Variants in ZNF365 observed in about 807,000 individuals in gnomAD.
ZNF365 encodes protein ZNF365.
A neutral mutation model predicts 35.0 loss-of-function variants in ZNF365; 22 were observed. That is an observed-to-expected ratio of 0.63 (90% CI 0.45 to 0.90). The LOEUF (loss-of-function observed/expected upper bound fraction) is 0.90, where lower values mean the gene tolerates loss of function less well. Among genes scored for constraint, ZNF365 ranks in the 40% least tolerant of loss-of-function variants. The probability of loss-of-function intolerance (pLI) is 0.00; values close to 1 mark genes in which losing one functional copy is unlikely to be tolerated. For synonymous variants in ZNF365, 188 were observed against 196.2 expected (o/e 0.96, Z 0.35); for missense variants, 448 against 500.3 (o/e 0.90, Z 1.00).
rs143879492 is a variant in ZNF365, at chr10:62,400,243, G to A, written c.*454G>A. ...TAATAGCAGTAAAATGAAAATATTT[G>A]TGTTTGTGTATAACCTTCCCCTCAG... On this transcript the variant is annotated 3_prime_UTR_variant, in exon 5 of 5. Coordinates refer to ENST00000395254, the MANE Select transcript of ZNF365 (RefSeq NM_014951.3). 1 of 990,214 alleles carries A rather than the reference G, an allele frequency of 1.0e-6. No individual in the cohort carries two copies. The highest frequency in any genetic ancestry group is 1.2e-6 in the Non-Finnish European group (1 of 832,464). The allele number at this position is 990,214 out of a possible 1,614,324, so 61.3% of individuals were successfully genotyped here.
downstream of ZNF365, among the ~76,000 whole-genome samples, chr10:62,405,591 G>C (rs370845609): frequency 1.7e-4 from 26 of 152,258 alleles, no homozygotes; most frequent in South Asian, 5.2e-3. Flanking sequence ...TTTATGATTG[G>C]TTATTGCACC....
intron 2 of ZNF365, among the ~76,000 whole-genome samples, chr10:62,387,797 T>C (rs1039491734): frequency 1.3e-5 from 2 of 152,248 alleles, no homozygotes; most frequent in Non-Finnish European, 2.9e-5. Context: ...CTTGCTCCTA[T>C]ACTTTCTCTC....
chr10:62,429,218 C>A (rs1363689007), intron 3 of ZNF365, among the ~76,000 whole-genome samples: 1 of 152,206 alleles, frequency 6.6e-6, no homozygotes, highest in African/African-American at 2.4e-5. Flanking sequence ...GCATCTTATG[C>A]ATGTCTAATA....
In ZNF365 at chr10:62,376,438, C is replaced by T. The variant is rs756669590; in HGVS notation, c.245C>T (p.Pro82Leu). The change falls in exon 2 of 5, where the codon CCG (proline) becomes CTG (leucine). Residue 82 changes from proline (P) to leucine (L), a missense_variant. This residue lies in a region of ZNF365 where 76 missense variants were observed against 96.7 expected (regional missense o/e 0.79). Coordinates refer to ENST00000395254, the MANE Select transcript of ZNF365 (RefSeq NM_014951.3). ...DLVTSSELLK[P>L]GKLQSSGNVV... The stretch of plus-strand genomic sequence containing the variant: ...GTCACTTCCTCAGAACTCCTGAAAC[C>T]GGGAAAATTGCAGAGCAGTGGCAAC... 6.8e-5 allele frequency: 110 copies of T among 1,613,988 alleles called. No individual in the cohort carries two copies. Among genetic ancestry groups the T allele is most frequent in the East Asian group, 8.9e-5 (4 of 44,894 alleles).
downstream of ZNF365, among the ~76,000 whole-genome samples, chr10:62,405,414 C>A (rs1368898654): frequency 1.3e-5 from 2 of 152,136 alleles, no homozygotes; most frequent in African/African-American, 2.4e-5. Context: ...GGCCCAGGAA[C>A]GCCTCTGTGA....
chr10:62,475,442 A>AAAT, intron 4 of ZNF365, among the ~76,000 whole-genome samples: 1 of 152,178 alleles, frequency 6.6e-6, no homozygotes, highest in East Asian at 1.9e-4. Flanking sequence ...AAATAAAATA[A>AAAT]AATTAAATTA....
intron 2 of ZNF365, among the ~76,000 whole-genome samples, chr10:62,386,527 C>T (rs1393967635): frequency 6.6e-6 from 1 of 152,138 alleles, no homozygotes; most frequent in African/African-American, 2.4e-5. Context: ...TTATTAGAGC[C>T]AGCCTGTTGT....
rs1490699481 is a variant in ZNF365, at chr10:62,399,659, A to G, written c.1094A>G (p.Glu365Gly). The G allele has an allele frequency of 1.2e-6, 2 of 1,614,050 alleles. No homozygotes were observed. Among genetic ancestry groups the G allele is most frequent in the East Asian group, 2.2e-5 (1 of 44,888 alleles). The change falls in exon 5 of 5, where the codon GAA becomes GGA. Residue 365 changes from glutamate (E) to glycine (G), a missense_variant. Physicochemically the swap from Glu to Gly is moderately conservative, Grantham distance 98. Transcript: ENST00000395254. ...ATGCAGCCTGCCAAGGCCATTCACG[A>G]ACAGGCTGAGTCCTCAAGAGACCTC... ...ASMQPAKAIH[E>G]QAESSRDLCR... is the part of the protein sequence containing the mutation.
intron 3 of ZNF365, among the ~76,000 whole-genome samples, chr10:62,408,164 A>G (rs1287661945): frequency 1.3e-5 from 2 of 152,134 alleles, no homozygotes; most frequent in Non-Finnish European, 2.9e-5. Context: ...AATAGATAGA[A>G]TGATGTCTTG....
chr10:62,389,063 CA>C (rs1839577859), intron 3 of ZNF365, among the ~76,000 whole-genome samples: 1 of 152,100 alleles, frequency 6.6e-6, no homozygotes, highest in African/African-American at 2.4e-5. Flanking sequence ...TATAGATTTT[CA>C]AAAAGACTGA....
At chr10:62,448,425 C>T (rs1455325308) in intron 3 of ZNF365, among the ~76,000 whole-genome samples, 4 of 152,148 alleles carry the variant, frequency 2.6e-5, no homozygotes, top group Non-Finnish European at 4.4e-5. Context: ...AGCTGACATA[C>T]CAATGTGGAG....
intron 3 of ZNF365, among the ~76,000 whole-genome samples, chr10:62,422,277 G>A (rs1840181713): frequency 6.6e-6 from 1 of 152,120 alleles, no homozygotes; most frequent in African/African-American, 2.4e-5. Flanking sequence ...TGGGAAATGT[G>A]ATATCTCATA....
chr10:62,423,208 A>G (rs1428907841), intron 3 of ZNF365, among the ~76,000 whole-genome samples: 1 of 105,692 alleles, frequency 9.5e-6, no homozygotes, highest in Non-Finnish European at 2.2e-5. Flanking sequence ...CATTTTTAAT[A>G]GAAACTTAAA....
intron 3 of ZNF365, among the ~76,000 whole-genome samples, chr10:62,392,895 G>A (rs946800083): frequency 1.3e-5 from 2 of 152,214 alleles, no homozygotes; most frequent in South Asian, 2.1e-4. Context: ...GCCTCCCAAA[G>A]TGCTGGGATT....
intron 3 of ZNF365, among the ~76,000 whole-genome samples, chr10:62,432,240 G>A (rs1213449019): frequency 6.6e-6 from 1 of 152,118 alleles, no homozygotes; most frequent in Non-Finnish European, 1.5e-5. Flanking sequence ...GGGAGCTGAG[G>A]GGCAAATAAG....
At chr10:62,423,524 G>A (rs1351917820) in intron 3 of ZNF365, among the ~76,000 whole-genome samples, 1 of 152,140 alleles carries the variant, frequency 6.6e-6, no homozygotes, top group Admixed American at 6.5e-5. Context: ...AGTTTTGATA[G>A]CCAGGAAGAA....
rs1444998281 is a variant in ZNF365, at chr10:62,376,556, GC to G, written c.365del (p.Pro122LeufsTer83). ...AGCCATTTGAGGTGGTGGCAGAGAGGCCTGTGTCCTATGTGCAGACCTACAC... is the reference window on the plus strand; with the variant it reads ...AGCCATTTGAGGTGGTGGCAGAGAGGCTGTGTCCTATGTGCAGACCTACAC... ...RKPFEVVAER[P>X]VSYVQTYTAM... On this transcript the variant is annotated frameshift_variant, in exon 2 of 5. Transcript: ENST00000395254. LOFTEE classifies it high-confidence loss of function. The G allele has an allele frequency of 6.2e-7, 1 of 1,613,834 alleles. No individual in the cohort carries two copies. The highest frequency in any genetic ancestry group is 8.5e-7 in the Non-Finnish European group (1 of 1,180,004).
intron 3 of ZNF365, among the ~76,000 whole-genome samples, chr10:62,437,031 G>A (rs1840418368): frequency 6.6e-6 from 1 of 152,168 alleles, no homozygotes; most frequent in African/African-American, 2.4e-5. Flanking sequence ...CTAAGAGGGA[G>A]AGTCAAATAC....
intron 3 of ZNF365, among the ~76,000 whole-genome samples, chr10:62,409,656 T>C (rs765886947): frequency 2.0e-5 from 3 of 152,088 alleles, no homozygotes; most frequent in Admixed American, 6.6e-5. Flanking sequence ...ATATGCCTAA[T>C]AGGAGGGAGC....
Sources: gnomAD v4.1 joint callset for allele counts (sites outside exome capture counted in the v4.1 genomes callset) on GRCh38, gnomAD v4.1.1 for gene constraint, gnomAD v4.1.1 regional missense constraint, MANE v1.5 for transcripts, NCBI Gene and HGNC (gene_info 2026-07-23, HGNC 2026-07-21) for gene names.